R3HDM2: variants seen among roughly 807,000 people sequenced by gnomAD.
The protein encoded by R3HDM2 is R3H domain-containing protein 2.
In R3HDM2, 38 loss-of-function variants were observed where a neutral mutation model predicts 124.5. The ratio of observed to expected loss-of-function variants is 0.31; its 90% confidence interval spans 0.24 to 0.40. The LOEUF (loss-of-function observed/expected upper bound fraction) is 0.40, where lower values mean the gene tolerates loss of function less well. R3HDM2 is among the 10% of genes least tolerant of loss of function. The pLI is 1.00. For synonymous variants in R3HDM2, 391 were observed against 448.0 expected (o/e 0.87, Z 1.61); for missense variants, 869 against 1,236.9 (o/e 0.70, Z 4.46).
chr12:57,423,229 C>A (rs913611670), intron 1 of R3HDM2, among the ~76,000 whole-genome samples: 2 of 151,978 alleles, frequency 1.3e-5, no homozygotes, highest in African/African-American at 4.8e-5. Flanking sequence ...CAAGACCAGG[C>A]TGGCAAACAT....
intron 2 of R3HDM2, among the ~76,000 whole-genome samples, chr12:57,314,548 C>A (rs2054636416): frequency 6.6e-6 from 1 of 152,176 alleles, no homozygotes; most frequent in Non-Finnish European, 1.5e-5. Flanking sequence ...TGACCTCCCA[C>A]AATCTTCCCC....
intron 19 of R3HDM2, among the ~76,000 whole-genome samples, chr12:57,265,923 A>C (rs11172140): frequency 0.24 from 36,002 of 151,512 alleles, 4,632 homozygotes; most frequent in South Asian, 0.43. Flanking sequence ...CAGCCTCCCA[A>C]GTAGCTGGGA....
chr12:57,424,114 C>CAAAAAA (rs35579430), intron 1 of R3HDM2, among the ~76,000 whole-genome samples: 3 of 63,872 alleles, frequency 4.7e-5, no homozygotes, highest in African/African-American at 6.3e-5. Context: ...AACTCTGTCT[C>CAAAAAA]AAAAAAAAAA....
At chr12:57,342,859 T>C (rs1282325375) in intron 2 of R3HDM2, among the ~76,000 whole-genome samples, 3 of 152,232 alleles carry the variant, frequency 2.0e-5, no homozygotes, top group Admixed American at 6.5e-5. Context: ...GCCAGCGAGC[T>C]ATATTTAGTA....
intron 1 of R3HDM2, among the ~76,000 whole-genome samples, chr12:57,410,621 G>C (rs1242333844): frequency 6.6e-6 from 1 of 152,208 alleles, no homozygotes; most frequent in African/African-American, 2.4e-5. Flanking sequence ...GAGAGGCTGA[G>C]GCAGGAAGAT....
At chr12:57,330,694 C>CTTT (rs10571548) in intron 2 of R3HDM2, among the ~76,000 whole-genome samples, 10 of 70,694 alleles carry the variant, frequency 1.4e-4, no homozygotes, top group Non-Finnish European at 1.8e-4. Flanking sequence ...TAGGGCTTTT[C>CTTT]TTTTTTTTTT....
chr12:57,380,113 A>G (rs1291906274), intron 2 of R3HDM2, among the ~76,000 whole-genome samples: 1 of 152,184 alleles, frequency 6.6e-6, no homozygotes. Flanking sequence ...AGAAGTCCAA[A>G]AAAGCAGGTA....
intron 13 of R3HDM2, among the ~76,000 whole-genome samples, chr12:57,283,270 A>G (rs2046584666): frequency 6.6e-6 from 1 of 152,214 alleles, no homozygotes. Flanking sequence ...CATGAAAATC[A>G]GAGAAAATAA....
intron 2 of R3HDM2, among the ~76,000 whole-genome samples, chr12:57,347,831 GTAA>G (rs1416388001): frequency 6.6e-6 from 1 of 151,978 alleles, no homozygotes; most frequent in Non-Finnish European, 1.5e-5. Flanking sequence ...CACAATGAAG[GTAA>G]TAATAAAAAG....
intron 2 of R3HDM2, among the ~76,000 whole-genome samples, chr12:57,316,471 C>T (rs945868030): frequency 5.3e-5 from 8 of 151,790 alleles, no homozygotes; most frequent in Non-Finnish European, 1.0e-4. Flanking sequence ...CTGGAAGAAA[C>T]AGGTATCTTC....
intron 11 of R3HDM2, among the ~76,000 whole-genome samples, chr12:57,291,086 G>A (rs2048473068): frequency 6.6e-6 from 1 of 152,140 alleles, no homozygotes. Flanking sequence ...GGACTTTTCT[G>A]ACTCAGAATG....
chr12:57,379,303 A>G (rs2064518809), intron 2 of R3HDM2, among the ~76,000 whole-genome samples: 1 of 152,336 alleles, frequency 6.6e-6, no homozygotes, highest in African/African-American at 2.4e-5. Context: ...AAATGAGGCC[A>G]GATGCGGTAG....
chr12:57,370,290 C>G (rs988097504), intron 2 of R3HDM2, among the ~76,000 whole-genome samples: 11 of 151,870 alleles, frequency 7.2e-5, no homozygotes, highest in Non-Finnish European at 1.5e-4. Flanking sequence ...TCCACCATGA[C>G]AGTAAGTTTC....
At chr12:57,364,726 G>T (rs924663305) in intron 2 of R3HDM2, among the ~76,000 whole-genome samples, 2 of 147,550 alleles carry the variant, frequency 1.4e-5, no homozygotes, top group South Asian at 4.4e-4. Context: ...AGGCCGAGGC[G>T]GGCGGATCAT....
intron 3 of R3HDM2, among the ~76,000 whole-genome samples, chr12:57,306,211 C>T (rs1281846478): frequency 6.6e-6 from 1 of 152,082 alleles, no homozygotes; most frequent in Non-Finnish European, 1.5e-5. Flanking sequence ...GGCTGACAGG[C>T]AAGAGACTAG....
At chr12:57,408,104 T>C (rs2068691356) in intron 1 of R3HDM2, among the ~76,000 whole-genome samples, 1 of 152,158 alleles carries the variant, frequency 6.6e-6, no homozygotes, top group Non-Finnish European at 1.5e-5. Context: ...TAGTTTTTAT[T>C]ATTTTAGGAA....
Position 57,258,095 on chromosome 12 carries a change from G to A in R3HDM2, c.2344C>T (p.Gln782Ter). The change falls in exon 21 of 24, where the codon CAG becomes TAG. Residue 782 changes from glutamine (Q) to a stop codon, truncating the protein, a stop_gained. Coordinates refer to ENST00000402412, the MANE Select transcript of R3HDM2 (RefSeq NM_001394031.1). LOFTEE classifies it high-confidence loss of function. ...MSSSPVTSPT[Q>*]SPAPSPVTSL... ...GTGACAGGAGAGGGTGCTGGAGACT[G>A]GGTAGGAGATGTGACAGGGCTGCTG... 1 of 1,590,240 alleles carries A rather than the reference G, an allele frequency of 6.3e-7. No individual in the cohort carries two copies. The highest frequency in any genetic ancestry group is 8.6e-7 in the Non-Finnish European group (1 of 1,166,238).
chr12:57,284,894 T>C (rs951949175), intron 12 of R3HDM2, among the ~76,000 whole-genome samples: 3 of 152,226 alleles, frequency 2.0e-5, no homozygotes, highest in Non-Finnish European at 2.9e-5. Context: ...TTATAATCAC[T>C]GTCTATGATT....
intron 2 of R3HDM2, among the ~76,000 whole-genome samples, chr12:57,359,886 G>A (rs554193940): frequency 6.6e-6 from 1 of 150,968 alleles, no homozygotes; most frequent in Non-Finnish European, 1.5e-5. Flanking sequence ...CTATATTAAA[G>A]TAATATATCA....
Sources: gnomAD v4.1 joint callset for allele counts (sites outside exome capture counted in the v4.1 genomes callset) on GRCh38, gnomAD v4.1.1 for gene constraint, MANE v1.5 for transcripts, NCBI Gene and HGNC (gene_info 2026-07-23, HGNC 2026-07-21) for gene names.